LARGE1: variants seen among roughly 807,000 people sequenced by gnomAD.
LARGE1 encodes LARGE xylosyl- and glucuronyltransferase 1.
LARGE1 carries 43 observed loss-of-function variants against 87.6 expected under a neutral mutation model. That is an observed-to-expected ratio of 0.49 (90% confidence interval 0.38 to 0.63). LARGE1 has a LOEUF of 0.63. LARGE1 is among the 30% of genes least tolerant of loss of function. The pLI, the probability that LARGE1 is intolerant of heterozygous loss-of-function variation, is 0.00. For synonymous variants in LARGE1, 434 were observed against 394.6 expected (o/e 1.10, Z -1.18); for missense variants, 802 against 1,000.2 (o/e 0.80, Z 2.67).
At chr22:33,329,438 G>A (rs190175326) in intron 10 of LARGE1, among the ~76,000 whole-genome samples, 66 of 148,986 alleles carry the variant, frequency 4.4e-4, no homozygotes, top group African/African-American at 1.6e-3. Flanking sequence ...TTTTTTTTGT[G>A]GGGGGAAGGG....
At chr22:33,718,070 C>T (rs967884492) in intron 2 of LARGE1, among the ~76,000 whole-genome samples, 2 of 152,234 alleles carry the variant, frequency 1.3e-5, no homozygotes, top group African/African-American at 2.4e-5. Flanking sequence ...GTAGAGACAA[C>T]CTTTCCATGT....
At chr22:33,827,685 G>A (rs1045794950) in intron 1 of LARGE1, among the ~76,000 whole-genome samples, 1 of 152,172 alleles carries the variant, frequency 6.6e-6, no homozygotes, top group Non-Finnish European at 1.5e-5. Flanking sequence ...CGAAGAAAAA[G>A]CTGACATCGT....
intron 11 of LARGE1, among the ~76,000 whole-genome samples, chr22:33,236,898 A>G (rs1926280241): frequency 6.6e-6 from 1 of 152,226 alleles, no homozygotes; most frequent in Admixed American, 6.5e-5. Flanking sequence ...ACATGCCTGT[A>G]TAGGTTAGGA....
chr22:33,454,017 G>C (rs2068037712), intron 6 of LARGE1, among the ~76,000 whole-genome samples: 1 of 152,132 alleles, frequency 6.6e-6, no homozygotes, highest in Non-Finnish European at 1.5e-5. Flanking sequence ...GAGAAGCCCA[G>C]GACCACCAAT....
Position 33,483,617 on chromosome 22 carries a change from G to A in LARGE1, c.788-51352C>T, listed in dbSNP as rs748738800. 3.3e-5 allele frequency among the ~76,000 whole-genome samples: 5 copies of A among 151,690 alleles called. No individual in the cohort carries two copies. In the East Asian group the frequency reaches 7.7e-4, roughly 23 times the overall value. On this transcript the variant is annotated intron_variant, in intron 6 of 14. Coordinates refer to ENST00000397394, the MANE Select transcript of LARGE1 (RefSeq NM_133642.5). ...GGGCAAGGAAGTAGCCAAGGGGAAC[G>A]AAATAGGAGGGGTCGGGCTGCATTA...
intron 2 of LARGE1, chr22:33,732,157 T>C (rs2083492715): frequency 6.6e-6 from 1 of 152,164 alleles, no homozygotes; most frequent in Non-Finnish European, 1.5e-5. Flanking sequence ...AGGCCTGAAG[T>C]GGTCCCAGAA....
At chr22:33,601,697 A>G (rs1260431029) in intron 5 of LARGE1, among the ~76,000 whole-genome samples, 1 of 152,178 alleles carries the variant, frequency 6.6e-6, no homozygotes, top group Admixed American at 6.5e-5. Flanking sequence ...AATAAAAAGC[A>G]GGTGTCAGGA....
intron 6 of LARGE1, among the ~76,000 whole-genome samples, chr22:33,518,827 G>T (rs1048424310): frequency 6.6e-6 from 1 of 152,160 alleles, no homozygotes; most frequent in Admixed American, 6.5e-5. Flanking sequence ...GACCGTGGGG[G>T]TTTAAGTGTT....
At chr22:33,517,764 C>T (rs945540777) in intron 6 of LARGE1, among the ~76,000 whole-genome samples, 5 of 152,124 alleles carry the variant, frequency 3.3e-5, no homozygotes, top group East Asian at 1.9e-4. Context: ...CCCACAGACC[C>T]GGAGTAAGAA....
intron 5 of LARGE1, among the ~76,000 whole-genome samples, chr22:33,570,474 C>T (rs955927974): frequency 6.6e-6 from 1 of 151,750 alleles, no homozygotes; most frequent in Non-Finnish European, 1.5e-5. Context: ...ATGGTGAAAC[C>T]CTGTCTCTAC....
chr22:33,281,564 T>C (rs187585478), intron 13 of LARGE1, among the ~76,000 whole-genome samples: 4 of 152,296 alleles, frequency 2.6e-5, no homozygotes, highest in African/African-American at 7.2e-5. Flanking sequence ...ATGGGGATGA[T>C]AGTATCTGTC....
intron 12 of LARGE1, among the ~76,000 whole-genome samples, chr22:33,293,541 T>G (rs1158037991): frequency 6.6e-6 from 1 of 152,214 alleles, no homozygotes; most frequent in Non-Finnish European, 1.5e-5. Context: ...TGATTGTGTC[T>G]GTCTTCCCAA....
chr22:33,667,183 G>A (rs1002617912), intron 2 of LARGE1, among the ~76,000 whole-genome samples: 1 of 152,220 alleles, frequency 6.6e-6, no homozygotes, highest in Non-Finnish European at 1.5e-5. Context: ...TGGATGATGG[G>A]AGAGTTATAT....
chr22:33,480,448 T>C (rs1569200927), intron 6 of LARGE1, among the ~76,000 whole-genome samples: 1 of 152,164 alleles, frequency 6.6e-6, no homozygotes, highest in Admixed American at 6.5e-5. Context: ...TCTGGTTCTC[T>C]GCCCAGGGAG....
the LARGE1 span, among the ~76,000 whole-genome samples, chr22:33,132,803 A>T: frequency 1.3e-5 from 2 of 152,184 alleles, no homozygotes; most frequent in South Asian, 4.2e-4. Flanking sequence ...TCACTTCCAG[A>T]CTGCCCTGGG....
chr22:33,089,292 C>G, the LARGE1 span, among the ~76,000 whole-genome samples: 7 of 149,140 alleles, frequency 4.7e-5, no homozygotes, highest in African/African-American at 1.0e-4. Context: ...TCTTCTTCTT[C>G]TTCTTCTTCC....
chr22:33,483,030 C>T (rs1048002279), intron 6 of LARGE1, among the ~76,000 whole-genome samples: 1 of 152,202 alleles, frequency 6.6e-6, no homozygotes, highest in African/African-American at 2.4e-5. Flanking sequence ...GCTCCGGAAA[C>T]CTCTGCCGTG....
intron 1 of LARGE1, among the ~76,000 whole-genome samples, chr22:33,816,443 C>T (rs1050921838): frequency 4.6e-5 from 7 of 152,098 alleles, no homozygotes; most frequent in African/African-American, 7.2e-5. Context: ...CTTCTTGCTA[C>T]GTCCTCACAT....
chr22:33,775,874 A>G (rs2085220070), intron 1 of LARGE1, among the ~76,000 whole-genome samples: 1 of 145,262 alleles, frequency 6.9e-6, no homozygotes, highest in Non-Finnish European at 1.5e-5. Context: ...AAAAAGACTC[A>G]GGAGGGTGGG....
Sources: allele counts gnomAD v4.1 joint callset (sites outside exome capture counted in the v4.1 genomes callset), GRCh38; gene constraint gnomAD v4.1.1; transcripts MANE v1.5; gene names NCBI Gene and HGNC (gene_info 2026-07-23, HGNC 2026-07-21).